SVIL: variants seen among roughly 807,000 people sequenced by gnomAD.
The protein encoded by SVIL is supervillin.
In SVIL, 101 loss-of-function variants were observed where a neutral mutation model predicts 240.4. That is an observed-to-expected ratio of 0.42 (90% confidence interval 0.36 to 0.50). The LOEUF is 0.50. SVIL is among the 20% of genes least tolerant of loss of function. The pLI is 0.01. For synonymous variants in SVIL, 999 were observed against 1,100.0 expected (o/e 0.91, Z 1.82); for missense variants, 2,512 against 2,818.7 (o/e 0.89, Z 2.46).
At chr10:29,595,157 C>T (rs10826669) in intron 1 of SVIL, among the ~76,000 whole-genome samples, 3 of 152,072 alleles carry the variant, frequency 2.0e-5, no homozygotes, top group African/African-American at 7.2e-5. Flanking sequence ...AGCAGTCCCG[C>T]CTCTGTTCTG....
At chr10:29,652,022 C>T (rs189520357) in intron 3 of SVIL, among the ~76,000 whole-genome samples, 1 of 152,048 alleles carries the variant, frequency 6.6e-6, no homozygotes, top group Admixed American at 6.5e-5. Flanking sequence ...CACACAAACA[C>T]ACACACACAC....
intron 32 of SVIL, 141 bp from the exon 33 acceptor site, chr10:29,468,016 G>A (rs1176316560): frequency 2.1e-6 from 2 of 947,786 alleles, no homozygotes; most frequent in Admixed American, 2.7e-5. Context: ...CTCTTTTTAT[G>A]TGTACAGATT....
At chr10:29,665,767 C>T (rs2133046855) in intron 2 of SVIL, among the ~76,000 whole-genome samples, 1 of 152,114 alleles carries the variant, frequency 6.6e-6, no homozygotes, top group Middle Eastern at 3.4e-3. Flanking sequence ...GCACTCCAGC[C>T]TGGACAACAG....
chr10:29,609,613 C>T (rs1209705735), intron 1 of SVIL, among the ~76,000 whole-genome samples: 1 of 152,244 alleles, frequency 6.6e-6, no homozygotes, highest in Non-Finnish European at 1.5e-5. Flanking sequence ...GGGGACTCTG[C>T]AGTTCCTGGT....
At chr10:29,627,434 A>G (rs1957918154) in intron 1 of SVIL, among the ~76,000 whole-genome samples, 1 of 152,186 alleles carries the variant, frequency 6.6e-6, no homozygotes. Context: ...ATGAAAATCA[A>G]TGTTCCTCCT....
chr10:29,473,849 T>C lies in SVIL; in HGVS notation c.5518A>G (p.Arg1840Gly), dbSNP rs1945863007. Residue 1840 changes from arginine (R) to glycine (G), a missense_variant, in exon 30 of 38, where the codon AGG becomes GGG. Transcript: ENST00000355867. Reference sequence around the variant, plus strand: ...TCCCCAGGACTCACCTGGGCCCCCCTTTCCTCGTCCAGCTCCACCGTCATC... The same window carrying C: ...TCCCCAGGACTCACCTGGGCCCCCCCTTCCTCGTCCAGCTCCACCGTCATC... ...ALMTVELDEE[R>G]GAQVQVLQGK... 3 of 1,613,710 alleles carry C rather than the reference T, an allele frequency of 1.9e-6. No homozygotes were observed. The highest frequency in any genetic ancestry group is 1.3e-5 in the African/African-American group (1 of 74,832).
In SVIL at chr10:29,522,558, C is replaced by A. The variant is rs760457825; in HGVS notation, c.3241G>T (p.Val1081Leu). Residue 1081 changes from valine (V) to leucine (L), a missense_variant, in exon 16 of 38, where the codon GTG becomes TTG. Val to Leu is a conservative substitution (Grantham distance 32). Transcript: ENST00000355867. ...GKTIAQTTAPVSWKPQDSSEQ... is the reference protein window; with the variant it reads ...GKTIAQTTAPLSWKPQDSSEQ... ...GAAGAATCCTGGGGCTTCCAGGACA[C>A]GGGGGCTGTGGTTTGAGCAATAGTT... The A allele has an allele frequency of 2.5e-6, 4 of 1,614,062 alleles. No homozygotes were observed. The highest frequency in any genetic ancestry group is 3.4e-6 in the Non-Finnish European group (4 of 1,180,040).
chr10:29,532,056 G>A lies in SVIL; in HGVS notation c.1955C>T (p.Ser652Phe). Residue 652 changes from serine (S) to phenylalanine (F), a missense_variant, in exon 9 of 38, where the codon TCC becomes TTC. Coordinates refer to ENST00000355867, the MANE Select transcript of SVIL (RefSeq NM_021738.3). ...TATAGGTTGGGTTCTAAATCTCTCG[G>A]AAGTTTTTCTACTTTCACCAGGAGA... Reference protein sequence around the residue: ...YFSPGESRKTSERFRTQPITS... With the variant: ...YFSPGESRKTFERFRTQPITS... The A allele has an allele frequency of 6.2e-7, 1 of 1,614,168 alleles. No homozygotes were observed. The highest frequency in any genetic ancestry group is 2.2e-5 in the East Asian group (1 of 44,884).
At chr10:29,557,764 T>G (rs571132624) in intron 3 of SVIL, among the ~76,000 whole-genome samples, 2 of 152,186 alleles carry the variant, frequency 1.3e-5, no homozygotes, top group Non-Finnish European at 2.9e-5. Flanking sequence ...CAGTGAACAC[T>G]GCCCTCTGAT....
rs1412149110 is a variant in SVIL, at chr10:29,531,239, G to A, written c.2044+15C>T. 6.2e-7 allele frequency: 1 copy of A among 1,613,154 alleles called. No homozygotes were observed. Among genetic ancestry groups the A allele is most frequent in the Admixed American group, 1.7e-5 (1 of 59,890 alleles). On this transcript the variant is annotated intron_variant, in intron 10 of 37. Coordinates refer to ENST00000355867, the MANE Select transcript of SVIL (RefSeq NM_021738.3). ...GAGATAATAAAGAAGAAAAAAAAGG[G>A]AAACAGGTACTTGCCATCGACAGTT...
At chr10:29,477,085 G>A (rs561645696) in intron 29 of SVIL, among the ~76,000 whole-genome samples, 2 of 152,164 alleles carry the variant, frequency 1.3e-5, no homozygotes, top group African/African-American at 2.4e-5. Flanking sequence ...GGATAGTCTC[G>A]AACTCCTGAC....
Position 29,504,820 on chromosome 10 carries a change from G to A in SVIL, c.3517-5557C>T, listed in dbSNP as rs555787975. On this transcript the variant is annotated intron_variant, in intron 17 of 37. Coordinates refer to ENST00000355867, the MANE Select transcript of SVIL (RefSeq NM_021738.3). ...TCACAGAACTAAACATACTCTTACC[G>A]TATGATACAGCAATCATGCTCCTTG... Among the ~76,000 whole-genome samples, 648 of 152,276 alleles carry A rather than the reference G, an allele frequency of 4.3e-3. 3 individuals are homozygous for A. Among genetic ancestry groups the A allele is most frequent in the African/African-American group, 0.015 (622 of 41,558 alleles).
intron 3 of SVIL, among the ~76,000 whole-genome samples, chr10:29,654,359 C>T (rs1369925224): frequency 6.6e-6 from 1 of 151,980 alleles, no homozygotes; most frequent in Non-Finnish European, 1.5e-5. Context: ...GTATATATAA[C>T]AAAATTGATT....
intron 3 of SVIL, among the ~76,000 whole-genome samples, chr10:29,652,200 C>A (rs7475253): frequency 2.6e-5 from 4 of 152,114 alleles, no homozygotes; most frequent in Admixed American, 2.6e-4. Flanking sequence ...AGCAGTCACT[C>A]GTAATTTGCC....
At chr10:29,709,295 C>A (rs1963117385) in intron 1 of SVIL, among the ~76,000 whole-genome samples, 1 of 152,182 alleles carries the variant, frequency 6.6e-6, no homozygotes, top group African/African-American at 2.4e-5. Flanking sequence ...TGAGCATAAC[C>A]TTTGAGTGTC....
intron 1 of SVIL, among the ~76,000 whole-genome samples, chr10:29,726,674 G>C (rs1374763317): frequency 6.6e-6 from 1 of 152,148 alleles, no homozygotes; most frequent in Non-Finnish European, 1.5e-5. Context: ...TTGAACTCGG[G>C]AGGTGGAGGT....
At chr10:29,639,679 C>T (rs899338286), upstream of SVIL, among the ~76,000 whole-genome samples, 5 of 152,044 alleles carry the variant, frequency 3.3e-5, no homozygotes, top group African/African-American at 1.2e-4. Context: ...GTTGGCCAAG[C>T]TGGTCTCGAA....
At chr10:29,630,668 G>A (rs1330308874) in intron 1 of SVIL, among the ~76,000 whole-genome samples, 1 of 151,938 alleles carries the variant, frequency 6.6e-6, no homozygotes, top group Non-Finnish European at 1.5e-5. Flanking sequence ...AAAAGCACGT[G>A]TACAGAAACC....
chr10:29,643,820 C>A (rs994239087), intron 3 of SVIL, among the ~76,000 whole-genome samples: 9 of 152,102 alleles, frequency 5.9e-5, no homozygotes, highest in Non-Finnish European at 1.0e-4. Flanking sequence ...ACTTTTCTCT[C>A]CCGGGCTGTA....
Sources: allele counts gnomAD v4.1 joint callset (sites outside exome capture counted in the v4.1 genomes callset), GRCh38; gene constraint gnomAD v4.1.1; transcripts MANE v1.5; gene names NCBI Gene and HGNC (gene_info 2026-07-23, HGNC 2026-07-21).